SCD5: variants seen among roughly 807,000 people sequenced by gnomAD.
SCD5 encodes acyl-CoA-desaturase 4.
SCD5 carries 20 observed loss-of-function variants against 30.4 expected under a neutral mutation model. That is an observed-to-expected ratio of 0.66 (90% confidence interval 0.46 to 0.96). The LOEUF is 0.96. SCD5 is among the 40% of genes least tolerant of loss of function. SCD5 has a pLI of 0.00. For missense variants in SCD5, 381 were observed against 443.3 expected, an observed-to-expected ratio of 0.86 and a Z score of 1.26; for synonymous variants, 173 against 176.4, an observed-to-expected ratio of 0.98 and a Z score of 0.16.
intron 1 of SCD5, among the ~76,000 whole-genome samples, chr4:82,752,404 C>T (rs1392703747): frequency 2.6e-5 from 4 of 151,930 alleles, no homozygotes; most frequent in Non-Finnish European, 4.4e-5. Context: ...TAAAACCAGC[C>T]AGCTGAAATG....
rs796703848 is a variant in SCD5, at chr4:82,679,220, A to AAAAGAAAGAAAG, written c.569+1475_569+1486dup. On this transcript the variant is annotated intron_variant, in intron 3 of 4. Coordinates refer to ENST00000319540, the MANE Select transcript of SCD5 (RefSeq NM_001037582.3). ...TCTCCAAAAAAAAAAAAAAAGAAAG[A>AAAAGAAAGAAAG]AAAGAAAGAAAGAAAGAAAGAAAGA... Among the ~76,000 whole-genome samples, 8 of 32,224 alleles carry AAAAGAAAGAAAG rather than the reference A, an allele frequency of 2.5e-4. No homozygotes were observed. In the South Asian group the frequency reaches 3.5e-3, roughly 14 times the overall value. The allele number at this position is 32,224 out of a possible 152,430, so 21.1% of individuals were successfully genotyped here.
intron 3 of SCD5, 31 bp downstream of exon 3, chr4:82,680,676 G>C: frequency 6.2e-7 from 1 of 1,607,064 alleles, no homozygotes. Flanking sequence ...GGCCCCTGAG[G>C]GACAGCTCTC....
intron 3 of SCD5, among the ~76,000 whole-genome samples, chr4:82,645,652 C>T (rs573436629): frequency 3.3e-5 from 5 of 152,144 alleles, no homozygotes; most frequent in Non-Finnish European, 5.9e-5. Context: ...TCCATTTTTA[C>T]ACAATCAAAT....
chr4:82,741,853 CG>C (rs34875819), intron 1 of SCD5, among the ~76,000 whole-genome samples: 1,905 of 45,364 alleles, frequency 0.042, 65 homozygotes, highest in African/African-American at 0.11. Context: ...TCAGAGTGGG[CG>C]GGGGGGGGGA....
intron 3 of SCD5, chr4:82,660,826 T>A (rs202088710): frequency 1.2e-6 from 2 of 1,612,950 alleles, no homozygotes; most frequent in Admixed American, 3.3e-5. Context: ...CCGTCTGTTA[T>A]TCTATACGTT....
At chr4:82,734,562 G>A (rs970882348) in intron 1 of SCD5, among the ~76,000 whole-genome samples, 4 of 152,128 alleles carry the variant, frequency 2.6e-5, no homozygotes, top group African/African-American at 9.7e-5. Context: ...TGTCCTTGAT[G>A]TTTAACAATA....
rs770936333 is a variant in SCD5, at chr4:82,705,396, G to C, written c.250C>G (p.Leu84Val). 5 of 1,614,104 alleles carry C rather than the reference G, an allele frequency of 3.1e-6. No individual in the cohort carries two copies. The African/African-American group carries it at 6.7e-5, about 22-fold the overall frequency. ...TLLWAYFCFL[L>V]AALGVTAGAH... ...CCAGCTGTCACACCCAGAGCGGCCA[G>C]GAGGAAGCAGAAGTAGGCTGCAAGA... Residue 84 changes from leucine to valine, a missense_variant, in exon 2 of 5, where the codon CTG becomes GTG. Leu to Val is a conservative substitution (Grantham distance 32). Transcript: ENST00000319540.
At chr4:82,656,460 T>C (rs58866364) in intron 3 of SCD5, among the ~76,000 whole-genome samples, 6,790 of 152,296 alleles carry the variant, frequency 0.045, 530 homozygotes, top group African/African-American at 0.16. Context: ...TGCATAGTAT[T>C]CCATGGTATA....
At chr4:82,758,741 G>A (rs1322587523) in intron 1 of SCD5, among the ~76,000 whole-genome samples, 1 of 152,006 alleles carries the variant, frequency 6.6e-6, no homozygotes, top group Non-Finnish European at 1.5e-5. Context: ...CTTCCTTACC[G>A]GGTCCCATCA....
intron 2 of SCD5, among the ~76,000 whole-genome samples, chr4:82,682,461 G>A (rs1455077194): frequency 2.6e-5 from 4 of 151,994 alleles, no homozygotes; most frequent in African/African-American, 9.7e-5. Flanking sequence ...GGGAAGCAGT[G>A]CTTTTGATAG....
At position 82,767,309 on chromosome 4, in the gene SCD5, C is replaced by G. The variant is rs183191068; in HGVS notation, c.232+30997G>C. On this transcript the variant is annotated intron_variant, in intron 1 of 4. Coordinates refer to ENST00000319540, the MANE Select transcript of SCD5 (RefSeq NM_001037582.3). ...CAGCTCTCTTCTCCACCTCTCTCTG[C>G]AGCTCTCTTCTCTCTGGAACTCTTC... 2.0e-5 allele frequency among the ~76,000 whole-genome samples: 3 copies of G among 152,238 alleles called. No homozygotes were observed. In the East Asian group the frequency reaches 5.8e-4, roughly 29 times the overall value.
intron 1 of SCD5, among the ~76,000 whole-genome samples, chr4:82,792,967 C>T (rs758628998): frequency 3.9e-5 from 6 of 152,156 alleles, no homozygotes; most frequent in Admixed American, 6.6e-5. Flanking sequence ...ATAATGTTAA[C>T]CTCAATCTAT....
intron 3 of SCD5, among the ~76,000 whole-genome samples, chr4:82,669,286 C>T (rs1728255492): frequency 7.0e-6 from 1 of 142,678 alleles, no homozygotes; most frequent in South Asian, 2.3e-4. Flanking sequence ...AGGGTTTAGA[C>T]AGGCATGGCT....
At chr4:82,632,746 G>T (rs548579627) in intron 4 of SCD5, among the ~76,000 whole-genome samples, 11 of 145,996 alleles carry the variant, frequency 7.5e-5, no homozygotes. Flanking sequence ...GTGTGAGATG[G>T]TATCTCATTG....
intron 3 of SCD5, among the ~76,000 whole-genome samples, chr4:82,671,576 A>G (rs1728324421): frequency 6.6e-6 from 1 of 152,182 alleles, no homozygotes; most frequent in Non-Finnish European, 1.5e-5. Flanking sequence ...ATCAGAAATC[A>G]ATAATAAAAG....
intron 3 of SCD5, among the ~76,000 whole-genome samples, chr4:82,664,999 CTA>C (rs70964800): frequency 0.014 from 981 of 70,452 alleles, 15 homozygotes; most frequent in African/African-American, 0.031. Context: ...CTCTCTCTCT[CTA>C]TATATATATA....
intron 2 of SCD5, among the ~76,000 whole-genome samples, chr4:82,687,184 AAAAAAGAAAGAAAGAAAG>A (rs758972082): frequency 0.088 from 3,228 of 36,746 alleles, 51 homozygotes; most frequent in South Asian, 0.33. Flanking sequence ...AAAAAAAAAA[AAAAAAGAAAGAAAGAAAG>A]AAAAGAAAGA....
intron 3 of SCD5, among the ~76,000 whole-genome samples, chr4:82,657,291 G>T (rs1727884835): frequency 6.6e-6 from 1 of 152,132 alleles, no homozygotes; most frequent in South Asian, 2.1e-4. Context: ...TGTAAGGAAA[G>T]GGTCCAGTTT....
chr4:82,688,041 C>T (rs1413429527), intron 2 of SCD5, among the ~76,000 whole-genome samples: 1 of 152,184 alleles, frequency 6.6e-6, no homozygotes, highest in Non-Finnish European at 1.5e-5. Flanking sequence ...GAAACAGTTG[C>T]TTGCTCCCAA....
Sources: allele counts gnomAD v4.1 joint callset (sites outside exome capture counted in the v4.1 genomes callset), GRCh38; gene constraint gnomAD v4.1.1; transcripts MANE v1.5; gene names NCBI Gene and HGNC (gene_info 2026-07-23, HGNC 2026-07-21).